The following SLC5A12 variants were observed in gnomAD, a reference collection of about 807,000 sequenced individuals.
SLC5A12 encodes solute carrier family 5 member 12.
Under a neutral mutation model 72.7 loss-of-function variants are expected in SLC5A12, and 46 were observed. The observed-to-expected ratio is 0.63, with a 90% CI of 0.50 to 0.81. The LOEUF (loss-of-function observed/expected upper bound fraction) is 0.81. Among genes scored for constraint, SLC5A12 ranks in the 30% least tolerant of loss-of-function variants. The probability of loss-of-function intolerance (pLI) is 0.00; values close to 1 mark genes in which losing one functional copy is unlikely to be tolerated. For synonymous variants in SLC5A12, 275 were observed against 264.4 expected, an observed-to-expected ratio of 1.04 and a Z score of -0.39; for missense variants, 683 against 740.7, an observed-to-expected ratio of 0.92 and a Z score of 0.90.
rs1352514527 is a variant in SLC5A12 at position 26,698,409 on chromosome 11, G to C, written c.948C>G (p.Asp316Glu). 3 of 1,613,692 alleles carry C rather than the reference G, an allele frequency of 1.9e-6. No homozygotes were observed. The East Asian group carries it at 6.7e-5, about 36-fold the overall frequency. ...CTGTCCTCAAGAAAACCCATACCTG[G>C]TCTGGTGCTGAGATGATGCCAGAAG... Reference protein sequence around the residue: ...PWTSGIISAPDQLMPYFVMEI... With the variant: ...PWTSGIISAPEQLMPYFVMEI... The change falls in exon 7 of 15, where the codon GAC (aspartate) becomes GAG (glutamate). Residue 316 changes from aspartate (D) to glutamate (E), a missense_variant. Asp to Glu is a conservative substitution (Grantham distance 45, BLOSUM62 2). Coordinates refer to ENST00000396005, the MANE Select transcript of SLC5A12 (RefSeq NM_178498.4).
At chr11:26,721,347 A>T in intron 1 of SLC5A12, 29 bp downstream of exon 1, 2 of 1,540,080 alleles carry the variant, frequency 1.3e-6, no homozygotes, top group Non-Finnish European at 1.8e-6. Flanking sequence ...AGAAAAAAAA[A>T]TTAGAGAAGA....
intron 9 of SLC5A12, chr11:26,692,223 G>A (rs780532993): frequency 5.0e-5 from 14 of 280,690 alleles, no homozygotes; most frequent in Admixed American, 2.0e-4. Flanking sequence ...CCCACAGGCC[G>A]TGGGTTGGAT....
intron 4 of SLC5A12, among the ~76,000 whole-genome samples, chr11:26,704,266 C>T (rs1195246009): frequency 6.6e-6 from 1 of 152,122 alleles, no homozygotes. Flanking sequence ...ACAGGGAGCC[C>T]TGACCTGGTC....
intron 1 of SLC5A12, among the ~76,000 whole-genome samples, chr11:26,715,624 G>C (rs1855333849): frequency 6.6e-6 from 1 of 152,080 alleles, no homozygotes; most frequent in Non-Finnish European, 1.5e-5. Flanking sequence ...CTTGTTTCAG[G>C]ATCTGCTTCT....
chr11:26,703,002 C>T (rs1708463731), intron 6 of SLC5A12, among the ~76,000 whole-genome samples: 1 of 152,182 alleles, frequency 6.6e-6, no homozygotes, highest in Non-Finnish European at 1.5e-5. Context: ...TGCTTTGCTT[C>T]CATGTCTAAT....
intron 8 of SLC5A12, among the ~76,000 whole-genome samples, chr11:26,694,216 A>G (rs762765740): frequency 2.0e-5 from 3 of 152,074 alleles, no homozygotes; most frequent in Non-Finnish European, 4.4e-5. Context: ...TTCCCATTCT[A>G]TCCCTACTCC....
rs533971241 is a variant in SLC5A12, at chr11:26,719,718, C to A, written c.339+1658G>T. On this transcript the variant is annotated intron_variant, in intron 1 of 14. Coordinates refer to ENST00000396005, the MANE Select transcript of SLC5A12 (RefSeq NM_178498.4). ...TTTCTTCCAGTCTCCATTTAGACGT[C>A]TTATTTTACTTGAAGTTTCATATGA... 2.0e-5 allele frequency among the ~76,000 whole-genome samples: 3 copies of A among 152,296 alleles called. No homozygotes were observed. The East Asian group carries it at 5.8e-4, about 29-fold the overall frequency.
rs1554994290 is a variant in SLC5A12 at position 26,703,448 on chromosome 11, C to CACACACA, written c.821+82_821+83insTGTGTGT. On this transcript the variant is annotated intron_variant, in intron 6 of 14. Transcript: ENST00000396005. Reference sequence around the variant, plus strand: ...CATACACACACACACACACACACACCCCCCAAGAGGAAGTATTAATATATA... The same window carrying CACACACA: ...CATACACACACACACACACACACACCACACACACCCCAAGAGGAAGTATTAATATATA... The CACACACA allele has an allele frequency of 2.4e-5, 21 of 891,992 alleles. No homozygotes were observed. The Admixed American group carries it at 2.4e-4, about 10-fold the overall frequency. 55.3% of individuals were successfully genotyped at this position (891,992 alleles called of 1,614,324 possible).
chr11:26,680,597 C>A (rs1047921566), intron 12 of SLC5A12, among the ~76,000 whole-genome samples: 1 of 151,750 alleles, frequency 6.6e-6, no homozygotes, highest in Non-Finnish European at 1.5e-5. Context: ...TCACTTACCC[C>A]AGCCAGAAGT....
rs1855226368 is a variant in SLC5A12, at chr11:26,711,424, A to T, written c.406-66T>A. The T allele has an allele frequency of 2.1e-5, 26 of 1,257,294 alleles. 1 individual carries two copies. In the South Asian group the frequency reaches 2.7e-4, roughly 13 times the overall value. 77.9% of individuals were successfully genotyped at this position (1,257,294 alleles called of 1,614,324 possible). On this transcript the variant is annotated intron_variant, in intron 2 of 14. Transcript: ENST00000396005. ...ACATAGAAAGGAAAACTGCCTAGAA[A>T]GTTCTTTATCGACGTTAGACTTGTA...
chr11:26,700,606 TG>T (rs35192420), intron 6 of SLC5A12, among the ~76,000 whole-genome samples: 5,260 of 152,284 alleles, frequency 0.035, 292 homozygotes, highest in African/African-American at 0.12. Context: ...TGCAACTGTG[TG>T]TAGATGTGCT....
chr11:26,697,062 A>T, intron 8 of SLC5A12, 102 bp downstream of exon 8: 3 of 923,002 alleles, frequency 3.3e-6, no homozygotes, highest in South Asian at 1.6e-5. Context: ...TCAGAAGGTC[A>T]GTTTACACAC....
At chr11:26,687,568 T>C (rs774217019) in intron 9 of SLC5A12, among the ~76,000 whole-genome samples, 32 of 152,224 alleles carry the variant, frequency 2.1e-4, no homozygotes, top group Admixed American at 1.1e-3. Flanking sequence ...AGAAACTGCT[T>C]GCAAATTAAT....
chr11:26,683,747 G>A lies in SLC5A12; in HGVS notation c.1308+10C>T, dbSNP rs777265201. ...ACTGGGAATTGTGAAGAGGGCTGTG[G>A]GATCCTTACCTTCCAATTCACAAAA... is the stretch of plus-strand genomic sequence containing the variant. On this transcript the variant is annotated intron_variant, in intron 11 of 14. Coordinates refer to ENST00000396005, the MANE Select transcript of SLC5A12 (RefSeq NM_178498.4). 19 of 1,573,532 alleles carry A rather than the reference G, an allele frequency of 1.2e-5. No individual in the cohort carries two copies. The highest frequency in any genetic ancestry group is 1.6e-5 in the Non-Finnish European group (19 of 1,158,078).
intron 1 of SLC5A12, among the ~76,000 whole-genome samples, chr11:26,714,177 A>G (rs890211102): frequency 9.2e-5 from 14 of 152,062 alleles, no homozygotes; most frequent in South Asian, 2.1e-4. Context: ...TGGGGAAGGT[A>G]TGCTGTTTTC....
chr11:26,712,444 G>A (rs1426928808), intron 2 of SLC5A12, among the ~76,000 whole-genome samples, 197 bp downstream of exon 2: 2 of 151,900 alleles, frequency 1.3e-5, no homozygotes, highest in Non-Finnish European at 2.9e-5. Context: ...ACACACAAAC[G>A]GCTTTTTTTC....
At chr11:26,712,593 T>C (rs772248782) in intron 2 of SLC5A12, 48 bp downstream of exon 2, 6 of 1,398,894 alleles carry the variant, frequency 4.3e-6, no homozygotes, top group Non-Finnish European at 5.9e-6. Context: ...CAAACCTATA[T>C]CTAGTAACCT....
chr11:26,672,847 G>A (rs772804430), intron 14 of SLC5A12, among the ~76,000 whole-genome samples: 13 of 152,164 alleles, frequency 8.5e-5, no homozygotes, highest in East Asian at 1.9e-4. Context: ...ATCTTGCTGC[G>A]TCTTTGCCTG....
chr11:26,674,676 T>A lies in SLC5A12; in HGVS notation c.1580-1147A>T, dbSNP rs568225941. Among the ~76,000 whole-genome samples, 13 of 152,316 alleles carry A rather than the reference T, an allele frequency of 8.5e-5. No homozygotes were observed. The East Asian group carries it at 2.5e-3, about 29-fold the overall frequency. ...CCTCAGCCTCCCAAAGTGCTGTGAT[T>A]ATAGATGTTAGCCACTATGCCTGGC... On this transcript the variant is annotated intron_variant, in intron 13 of 14. Transcript: ENST00000396005.
Sources: gnomAD v4.1 joint callset for allele counts (sites outside exome capture counted in the v4.1 genomes callset) on GRCh38, gnomAD v4.1.1 for gene constraint, MANE v1.5 for transcripts, NCBI Gene and HGNC (gene_info 2026-07-23, HGNC 2026-07-21) for gene names.